SYNE1: variants seen among roughly 807,000 people sequenced by gnomAD.
SYNE1 encodes the protein spectrin repeat containing nuclear envelope protein 1.
Under a neutral mutation model 1,111.0 loss-of-function variants are expected in SYNE1, and 616 were observed. That is an observed-to-expected ratio of 0.55 (90% CI 0.52 to 0.59). The LOEUF (loss-of-function observed/expected upper bound fraction) is 0.59. SYNE1 is among the 20% of genes least tolerant of loss of function. The pLI is 0.00. For missense variants in SYNE1, 10,006 were observed against 10,417.0 expected (o/e 0.96, Z 1.72); for synonymous variants, 3,855 against 3,825.8 (o/e 1.01, Z -0.28).
At chr6:152,221,070 T>A in intron 118 of SYNE1, 24 bp from the exon 119 acceptor site, 1 of 1,612,240 alleles carries the variant, frequency 6.2e-7, no homozygotes, top group Non-Finnish European at 8.5e-7. Context: ...CCAACACTCA[T>A]GAGCAGATTA....
At chr6:152,124,898 TTGCTAGGCAGCACTC>T (rs1163776372) in intron 145 of SYNE1, among the ~76,000 whole-genome samples, 1 of 152,212 alleles carries the variant, frequency 6.6e-6, no homozygotes, top group Non-Finnish European at 1.5e-5. Context: ...ACTCTTCTAA[TTGCTAGGCAGCACTC>T]TGAGCATTTA....
chr6:152,342,390 T>C (rs2096551358), intron 74 of SYNE1, among the ~76,000 whole-genome samples: 1 of 152,228 alleles, frequency 6.6e-6, no homozygotes, highest in Non-Finnish European at 1.5e-5. Context: ...CACAGTCTAA[T>C]AAAAAAGTAG....
chr6:152,178,043 A>T (rs909129837), intron 129 of SYNE1, among the ~76,000 whole-genome samples: 1 of 151,442 alleles, frequency 6.6e-6, no homozygotes, highest in African/African-American at 2.4e-5. Context: ...AAAGCCCTTT[A>T]AAAAAAAACC....
At chr6:152,196,324 CCT>C (rs2153300839) in intron 127 of SYNE1, among the ~76,000 whole-genome samples, 1 of 152,156 alleles carries the variant, frequency 6.6e-6, no homozygotes, top group South Asian at 2.1e-4. Context: ...TTTGTTCTTG[CCT>C]CTCTTTTTTG....
chr6:152,260,107 G>A (rs556155890), intron 101 of SYNE1, among the ~76,000 whole-genome samples: 103 of 152,294 alleles, frequency 6.8e-4, no homozygotes, highest in African/African-American at 2.4e-3. Flanking sequence ...GATGCCGGAC[G>A]AATCACACAG....
chr6:152,527,956 C>G (rs2099170928), intron 4 of SYNE1, among the ~76,000 whole-genome samples: 1 of 152,168 alleles, frequency 6.6e-6, no homozygotes, highest in Admixed American at 6.5e-5. Flanking sequence ...TCCAGCTGTT[C>G]CCTCCACAAG....
At chr6:152,141,475 G>T in intron 138 of SYNE1, 146 bp from the exon 139 acceptor site, 2 of 1,078,896 alleles carry the variant, frequency 1.9e-6, no homozygotes, top group Non-Finnish European at 2.8e-6. Flanking sequence ...AAGCCAAGAT[G>T]GCCGAGTGTG....
At position 152,132,173 on chromosome 6, in the gene SYNE1, T is replaced by C. The variant is rs1657226622; in HGVS notation, c.26043A>G (p.Ser8681=). 3 of 1,614,192 alleles carry C rather than the reference T, an allele frequency of 1.9e-6. No individual in the cohort carries two copies. Among genetic ancestry groups the C allele is most frequent in the Non-Finnish European group, 2.5e-6 (3 of 1,180,030 alleles). ...TTCCTGATGTGGGACTCACAGACCC[T>C]GAGGTGTCCAGTTCATCAGCAGAAG... The part of the protein sequence containing the change: ...SWSSADELDT[S]GSVSPTSGRS... The change falls in exon 144 of 146, where the codon TCA becomes TCG. Residue 8681 remains serine (S), a synonymous_variant. Transcript: ENST00000367255.
At chr6:152,415,789 TAAAAAAAAAAAAAAAA>T (rs1209590450) in intron 41 of SYNE1, among the ~76,000 whole-genome samples, 3 of 73,022 alleles carry the variant, frequency 4.1e-5, no homozygotes, top group Non-Finnish European at 7.2e-5. Context: ...TTCAAAGTGG[TAAAAAAAAAAAAAAAA>T]AAAAAAAAAA....
intron 5 of SYNE1, among the ~76,000 whole-genome samples, chr6:152,525,255 A>T (rs2099158330): frequency 6.6e-6 from 1 of 152,152 alleles, no homozygotes; most frequent in African/African-American, 2.4e-5. Context: ...TCTTTTAAAA[A>T]CTCAGTTATC....
chr6:152,548,969 C>G (rs1211130005), intron 3 of SYNE1, among the ~76,000 whole-genome samples: 3 of 152,178 alleles, frequency 2.0e-5, no homozygotes, highest in Non-Finnish European at 4.4e-5. Flanking sequence ...AACCACTGTG[C>G]AAAGAAAGCA....
At chr6:152,359,091 G>T (rs1037632679) in intron 65 of SYNE1, among the ~76,000 whole-genome samples, 2 of 152,094 alleles carry the variant, frequency 1.3e-5, no homozygotes, top group Admixed American at 1.3e-4. Context: ...ACCTTTCTAG[G>T]AATTTTTAGT....
In SYNE1 at chr6:152,330,535, C is replaced by T. The variant is rs1178660606; in HGVS notation, c.14150G>A (p.Arg4717Lys). ...EEALSLQDGC[R>K]AILDEVAGLG... ...GCCCGCCACCTCGTCCAGAATGGCT[C>T]TGCAACCATCTTGCAGAGAAAGAGC... is the stretch of plus-strand genomic sequence containing the variant. The change falls in exon 78 of 146, where the codon AGA (arginine) becomes AAA (lysine). Residue 4717 changes from arginine to lysine, a missense_variant. Physicochemically the swap from Arg to Lys is conservative, Grantham distance 26. Coordinates refer to ENST00000367255, the MANE Select transcript of SYNE1 (RefSeq NM_182961.4). 6 of 1,614,142 alleles carry T rather than the reference C, an allele frequency of 3.7e-6. No individual in the cohort carries two copies. The highest frequency in any genetic ancestry group is 1.1e-5 in the South Asian group (1 of 91,086).
At chr6:152,279,916 GC>G (rs771779067) in intron 97 of SYNE1, among the ~76,000 whole-genome samples, 2 of 151,884 alleles carry the variant, frequency 1.3e-5, no homozygotes, top group Non-Finnish European at 2.9e-5. Context: ...TGCTTTTAGA[GC>G]CCCAAGAAAA....
At chr6:152,373,890 G>C (rs1271509274) in intron 58 of SYNE1, among the ~76,000 whole-genome samples, 1 of 152,122 alleles carries the variant, frequency 6.6e-6, no homozygotes, top group Non-Finnish European at 1.5e-5. Context: ...TATGATTTTG[G>C]CTCTGAGGAT....
In SYNE1 at chr6:152,429,627, C is replaced by T. The variant is rs142379101; in HGVS notation, c.4788+485G>A. On this transcript the variant is annotated intron_variant, in intron 36 of 145. Coordinates refer to ENST00000367255, the MANE Select transcript of SYNE1 (RefSeq NM_182961.4). ...ACGTAATTATCCCCCTTTGTTCCTC[C>T]CCCTAAATTCTGCCAGAGCCATCTG... 6.6e-5 allele frequency among the ~76,000 whole-genome samples: 10 copies of T among 152,154 alleles called. No individual in the cohort carries two copies. The East Asian group carries it at 1.9e-3, about 29-fold the overall frequency.
intron 3 of SYNE1, among the ~76,000 whole-genome samples, chr6:152,611,581 A>C (rs1382449474): frequency 6.6e-6 from 1 of 152,208 alleles, no homozygotes; most frequent in Non-Finnish European, 1.5e-5. Context: ...AACATTAGAC[A>C]GATCAATGAG....
chr6:152,493,121 T>A (rs2098980198), intron 11 of SYNE1, among the ~76,000 whole-genome samples: 1 of 151,904 alleles, frequency 6.6e-6, no homozygotes, highest in Non-Finnish European at 1.5e-5. Context: ...ACAACTCTAC[T>A]CCCTCCCTAG....
chr6:152,203,278 G>A (rs2075874362), intron 126 of SYNE1, among the ~76,000 whole-genome samples: 2 of 152,092 alleles, frequency 1.3e-5, no homozygotes, highest in African/African-American at 4.8e-5. Context: ...AAAAATGACA[G>A]GAACCACAGC....
Sources: gnomAD v4.1 joint callset for allele counts (sites outside exome capture counted in the v4.1 genomes callset) on GRCh38, gnomAD v4.1.1 for gene constraint, MANE v1.5 for transcripts, NCBI Gene and HGNC (gene_info 2026-07-23, HGNC 2026-07-21) for gene names.